The following COG6 variants were observed in gnomAD, a reference collection of about 807,000 sequenced individuals.
The protein encoded by COG6 is component of oligomeric golgi complex 6, also known as conserved oligomeric Golgi complex subunit 6.
In COG6, 74 loss-of-function variants were observed where a neutral mutation model predicts 88.8. The observed-to-expected ratio is 0.83, with a 90% CI of 0.69 to 1.01. The LOEUF (loss-of-function observed/expected upper bound fraction) is 1.01. Among genes scored for constraint, COG6 ranks in the 50% least tolerant of loss-of-function variants. The probability of loss-of-function intolerance (pLI) is 0.00; values close to 1 mark genes in which losing one functional copy is unlikely to be tolerated. For missense variants in COG6, 800 were observed against 797.9 expected, an observed-to-expected ratio of 1.00 and a Z score of -0.03; for synonymous variants, 286 against 278.7, an observed-to-expected ratio of 1.03 and a Z score of -0.26.
intron 18 of COG6, among the ~76,000 whole-genome samples, chr13:39,764,839 G>A (rs983430631): frequency 1.3e-5 from 2 of 152,004 alleles, no homozygotes; most frequent in African/African-American, 2.4e-5. Flanking sequence ...CTGTAGTATT[G>A]GGTGCAGTGC....
At chr13:39,719,464 C>A in intron 14 of COG6, 97 bp downstream of exon 14, 1 of 1,257,458 alleles carries the variant, frequency 8.0e-7, no homozygotes, top group Non-Finnish European at 1.1e-6. Flanking sequence ...CTTTGACAGT[C>A]TCTTTCTTAC....
intron 3 of COG6, among the ~76,000 whole-genome samples, chr13:39,664,550 G>A (rs941121398): frequency 1.3e-5 from 2 of 152,182 alleles, no homozygotes; most frequent in African/African-American, 4.8e-5. Context: ...AGGGAGAATT[G>A]CTTAGAATGA....
At chr13:39,721,571 G>A (rs180746703) in intron 15 of COG6, among the ~76,000 whole-genome samples, 64 of 152,172 alleles carry the variant, frequency 4.2e-4, no homozygotes, top group African/African-American at 1.3e-3. Flanking sequence ...GCCTATTCTT[G>A]CATTATGCTT....
At chr13:39,691,773 T>C (rs1052721020) in intron 11 of COG6, among the ~76,000 whole-genome samples, 6 of 151,970 alleles carry the variant, frequency 3.9e-5, no homozygotes, top group Admixed American at 2.0e-4. Context: ...TATTTTTTTT[T>C]GCAATTATAA....
chr13:39,667,753 T>C (rs1037423757), intron 4 of COG6, among the ~76,000 whole-genome samples: 11 of 152,048 alleles, frequency 7.2e-5, no homozygotes, highest in African/African-American at 2.2e-4. Context: ...AAGAGGTGAA[T>C]AGGATGATAA....
intron 18 of COG6, 92 bp downstream of exon 18, chr13:39,727,640 T>G (rs749326148): frequency 2.1e-6 from 2 of 938,574 alleles, no homozygotes; most frequent in Non-Finnish European, 1.7e-6. Flanking sequence ...TTTTCAAGAA[T>G]AAATGATTTA....
chr13:39,772,038 T>A (rs1881331455), intron 18 of COG6, among the ~76,000 whole-genome samples: 1 of 152,344 alleles, frequency 6.6e-6, no homozygotes, highest in African/African-American at 2.4e-5. Context: ...CCTTTCCAGG[T>A]CTTCCCCAGC....
chr13:39,746,082 A>G (rs112868720), intron 18 of COG6, among the ~76,000 whole-genome samples: 1 of 150,766 alleles, frequency 6.6e-6, no homozygotes, highest in Non-Finnish European at 1.5e-5. Flanking sequence ...GGGGCCTGTC[A>G]TGGGGTGGGG....
chr13:39,730,587 A>G (rs1879379286), intron 18 of COG6, among the ~76,000 whole-genome samples: 1 of 151,514 alleles, frequency 6.6e-6, no homozygotes, highest in South Asian at 2.1e-4. Context: ...CAGCCTTGCC[A>G]ATATGGTGAA....
chr13:39,658,317 G>T (rs145350296), intron 1 of COG6, among the ~76,000 whole-genome samples: 36 of 149,924 alleles, frequency 2.4e-4, no homozygotes, highest in African/African-American at 6.5e-4. Context: ...CTAATTTTTT[G>T]ATTTTTTTAT....
At chr13:39,713,829 GCTATTTCTCCTC>G (rs1878374910) in intron 13 of COG6, among the ~76,000 whole-genome samples, 1 of 152,156 alleles carries the variant, frequency 6.6e-6, no homozygotes, top group Non-Finnish European at 1.5e-5. Context: ...ACAAAAGTGA[GCTATTTCTCCTC>G]CTTAGATTTT....
intron 18 of COG6, among the ~76,000 whole-genome samples, chr13:39,774,765 G>A (rs1881416541): frequency 2.0e-5 from 3 of 151,884 alleles, no homozygotes; most frequent in Non-Finnish European, 2.9e-5. Flanking sequence ...AGTAGAGACA[G>A]GGTTTCACCA....
chr13:39,678,210 G>A, intron 5 of COG6: 1 of 336,040 alleles, frequency 3.0e-6, no homozygotes, highest in Non-Finnish European at 5.7e-6. Context: ...AGGGTATCCA[G>A]GCATGCACCA....
intron 18 of COG6, among the ~76,000 whole-genome samples, chr13:39,768,071 C>T (rs1238911865): frequency 2.0e-5 from 3 of 152,190 alleles, no homozygotes; most frequent in Non-Finnish European, 4.4e-5. Context: ...TCAGATCTTA[C>T]CTGCTCACAT....
intron 4 of COG6, among the ~76,000 whole-genome samples, chr13:39,673,557 AATG>A (rs1875777204): frequency 6.6e-6 from 1 of 152,000 alleles, no homozygotes; most frequent in Non-Finnish European, 1.5e-5. Context: ...AAGGATTGTA[AATG>A]ATAAGCAGAT....
intron 18 of COG6, among the ~76,000 whole-genome samples, chr13:39,749,559 A>C (rs1880514719): frequency 6.6e-6 from 1 of 152,194 alleles, no homozygotes. Flanking sequence ...AGCTATATGA[A>C]AGGAACAGAA....
chr13:39,670,178 C>T (rs1875538812), intron 4 of COG6, among the ~76,000 whole-genome samples: 1 of 152,112 alleles, frequency 6.6e-6, no homozygotes, highest in South Asian at 2.1e-4. Flanking sequence ...ATTCACAGGA[C>T]TGCAGGTTAG....
At chr13:39,781,262 G>A (rs1881622325) in intron 18 of COG6, among the ~76,000 whole-genome samples, 1 of 152,090 alleles carries the variant, frequency 6.6e-6, no homozygotes, top group African/African-American at 2.4e-5. Flanking sequence ...TTAGAGGGCT[G>A]GAGGACTCTT....
At chr13:39,788,404 T>C in exon 19 of COG6, 2 of 1,542,778 alleles carry the variant, frequency 1.3e-6, no homozygotes, top group South Asian at 2.4e-5. Context: ...GCCATTCCAG[T>C]TGTGGGAGGT....
Sources: allele counts gnomAD v4.1 joint callset (sites outside exome capture counted in the v4.1 genomes callset), GRCh38; gene constraint gnomAD v4.1.1; transcripts MANE v1.5; gene names NCBI Gene and HGNC (gene_info 2026-07-23, HGNC 2026-07-21).